The following CNTN6 variants were observed in gnomAD, a reference collection of about 807,000 sequenced individuals.
CNTN6 encodes contactin 6.
In CNTN6, 137 loss-of-function variants were observed where a neutral mutation model predicts 122.8. That is an observed-to-expected ratio of 1.12 (90% CI 0.97 to 1.29). The LOEUF (loss-of-function observed/expected upper bound fraction) is 1.29. Ranked by LOEUF, CNTN6 falls within the 50% of genes most tolerant of loss-of-function variation. CNTN6 has a pLI of 0.00. For missense variants in CNTN6, 1,634 were observed against 1,223.4 expected (o/e 1.34, Z -5.01); for synonymous variants, 570 against 426.0 (o/e 1.34, Z -4.16).
intron 5 of CNTN6, among the ~76,000 whole-genome samples, chr3:1,294,689 C>T (rs1317370766): frequency 6.6e-6 from 1 of 152,158 alleles, no homozygotes; most frequent in African/African-American, 2.4e-5. Flanking sequence ...CGGAGAAATG[C>T]TTGTCGACTC....
intron 5 of CNTN6, among the ~76,000 whole-genome samples, chr3:1,284,807 G>C (rs528155103): frequency 2.0e-5 from 3 of 152,338 alleles, no homozygotes; most frequent in African/African-American, 7.2e-5. Context: ...ATTAAGTAAA[G>C]GCAGTTCAGG....
intron 4 of CNTN6, among the ~76,000 whole-genome samples, chr3:1,268,943 T>C (rs2094975602): frequency 6.6e-6 from 1 of 152,150 alleles, no homozygotes; most frequent in South Asian, 2.1e-4. Context: ...ATCAAGCCAC[T>C]GCACTCCAGC....
intron 1 of CNTN6, among the ~76,000 whole-genome samples, chr3:1,106,724 G>A (rs72995718): frequency 0.065 from 9,874 of 152,110 alleles, 426 homozygotes; most frequent in Non-Finnish European, 0.09. Context: ...TTGGCTAGAC[G>A]TCTATCCAAT....
intron 4 of CNTN6, among the ~76,000 whole-genome samples, chr3:1,252,739 C>A (rs1202659840): frequency 1.3e-5 from 2 of 151,904 alleles, no homozygotes; most frequent in East Asian, 1.9e-4. Flanking sequence ...TTGTGGATAC[C>A]ACACTCAAGG....
intron 4 of CNTN6, among the ~76,000 whole-genome samples, chr3:1,257,873 C>G (rs3772335): frequency 0.38 from 57,110 of 151,742 alleles, 11,562 homozygotes; most frequent in East Asian, 0.7. Context: ...TTTCTGATGC[C>G]TTATTCTTCC....
chr3:1,250,031 G>A (rs2094639026), intron 4 of CNTN6, among the ~76,000 whole-genome samples: 1 of 152,146 alleles, frequency 6.6e-6, no homozygotes, highest in Admixed American at 6.5e-5. Flanking sequence ...GGTGTAAAAT[G>A]TAGCTGATTC....
chr3:1,349,492 G>A (rs1459601625), intron 11 of CNTN6, among the ~76,000 whole-genome samples: 7 of 151,504 alleles, frequency 4.6e-5, no homozygotes, highest in Non-Finnish European at 1.0e-4. Context: ...TTGAGATAAA[G>A]TATCTTTTTT....
intron 20 of CNTN6, among the ~76,000 whole-genome samples, chr3:1,393,573 AAGAAAC>A (rs1694549279): frequency 1.3e-5 from 1 of 79,688 alleles, no homozygotes. Context: ...AAAAAAAAAA[AAGAAAC>A]TCTTGTGTGT....
At chr3:1,271,989 T>A (rs148568166) in intron 4 of CNTN6, among the ~76,000 whole-genome samples, 1 of 152,108 alleles carries the variant, frequency 6.6e-6, no homozygotes, top group East Asian at 1.9e-4. Flanking sequence ...TGGGAGGTAA[T>A]TGAATCATGG....
At chr3:1,368,405 T>C (rs1187172171) in intron 12 of CNTN6, among the ~76,000 whole-genome samples, 1 of 152,228 alleles carries the variant, frequency 6.6e-6, no homozygotes, top group Non-Finnish European at 1.5e-5. Flanking sequence ...TCATCAGCTC[T>C]AGATATTTCA....
chr3:1,402,800 G>A (rs546390915), intron 22 of CNTN6: 49 of 229,000 alleles, frequency 2.1e-4, no homozygotes, highest in Non-Finnish European at 3.3e-4. Context: ...AGATTCTTTC[G>A]GGTCTTTTAC....
Position 1,295,796 on chromosome 3 carries a change from G to A in CNTN6, c.650G>A (p.Arg217His), listed in dbSNP as rs753636512. ...VQGPPTPLVQ[R>H]TDGVMGEYEP... Reference sequence around the variant, plus strand: ...GGTCCACCCACTCCATTAGTGCAGCGCACTGATGGTAAGATAATGAGTTAT... The same window carrying A: ...GGTCCACCCACTCCATTAGTGCAGCACACTGATGGTAAGATAATGAGTTAT... The change falls in exon 6 of 23, where the codon CGC becomes CAC. Residue 217 changes from arginine to histidine, a missense_variant. Arg to His is a conservative substitution (Grantham distance 29, BLOSUM62 0). Transcript: ENST00000446702. 3.7e-5 allele frequency: 59 copies of A among 1,612,994 alleles called. No individual in the cohort carries two copies. Among genetic ancestry groups the A allele is most frequent in the South Asian group, 7.7e-5 (7 of 91,048 alleles).
At chr3:1,250,155 C>T (rs1408442181) in intron 4 of CNTN6, among the ~76,000 whole-genome samples, 1 of 152,078 alleles carries the variant, frequency 6.6e-6, no homozygotes, top group Non-Finnish European at 1.5e-5. Context: ...GTCCAGTAAG[C>T]CAAAATATGG....
At chr3:1,273,743 G>A (rs183366921) in intron 4 of CNTN6, among the ~76,000 whole-genome samples, 69 of 152,292 alleles carry the variant, frequency 4.5e-4, no homozygotes, top group African/African-American at 1.3e-3. Flanking sequence ...TTTGAGAGGC[G>A]TTGATTTCCT....
At chr3:1,240,939 G>T (rs1228661770) in intron 4 of CNTN6, among the ~76,000 whole-genome samples, 1 of 151,950 alleles carries the variant, frequency 6.6e-6, no homozygotes, top group Non-Finnish European at 1.5e-5. Flanking sequence ...CAGTCAAAGG[G>T]GGTTGTTCTC....
At chr3:1,342,673 C>T (rs1054707984) in intron 11 of CNTN6, among the ~76,000 whole-genome samples, 39 of 151,958 alleles carry the variant, frequency 2.6e-4, no homozygotes, top group African/African-American at 8.0e-4. Context: ...GATCTTATTG[C>T]GACAATTCTG....
chr3:1,203,786 T>C (rs1440054481), intron 2 of CNTN6, among the ~76,000 whole-genome samples: 2 of 152,226 alleles, frequency 1.3e-5, no homozygotes, highest in Non-Finnish European at 2.9e-5. Context: ...TTATTTGCAG[T>C]CATGCACTGC....
chr3:1,207,176 C>A (rs1311779787), intron 2 of CNTN6, among the ~76,000 whole-genome samples: 1 of 152,048 alleles, frequency 6.6e-6, no homozygotes, highest in Non-Finnish European at 1.5e-5. Context: ...TCCTCCCAAC[C>A]CCCAGCACAA....
At chr3:1,135,887 G>A (rs1368090454) in intron 1 of CNTN6, among the ~76,000 whole-genome samples, 1 of 152,106 alleles carries the variant, frequency 6.6e-6, no homozygotes, top group Non-Finnish European at 1.5e-5. Flanking sequence ...AGCTACTCGG[G>A]AGGCTAAGGC....
Sources: allele counts gnomAD v4.1 joint callset (sites outside exome capture counted in the v4.1 genomes callset), GRCh38; gene constraint gnomAD v4.1.1; transcripts MANE v1.5; gene names NCBI Gene and HGNC (gene_info 2026-07-23, HGNC 2026-07-21).